UHRF1: variants seen among roughly 807,000 people sequenced by gnomAD.
UHRF1 encodes ubiquitin like with PHD and ring finger domains 1.
A neutral mutation model predicts 96.5 loss-of-function variants in UHRF1; 9 were observed. The observed-to-expected ratio is 0.09, with a 90% CI of 0.06 to 0.16. The LOEUF (loss-of-function observed/expected upper bound fraction) is 0.16, where lower values mean the gene tolerates loss of function less well. UHRF1 is among the 10% of genes least tolerant of loss of function. The pLI is 1.00. For missense variants in UHRF1, 626 were observed against 1,131.1 expected (o/e 0.55, Z 6.40); for synonymous variants, 455 against 469.9 (o/e 0.97, Z 0.41).
At chr19:4,958,919 G>A (rs1457784458) in intron 16 of UHRF1, among the ~76,000 whole-genome samples, 4 of 148,992 alleles carry the variant, frequency 2.7e-5, no homozygotes, top group Non-Finnish European at 5.9e-5. Flanking sequence ...CTGAGATCGC[G>A]CCATTGTACT....
At position 4,954,438 on chromosome 19, in the gene UHRF1, G is replaced by T; in HGVS notation, c.1907G>T (p.Gly636Val). Residue 636 changes from glycine (G) to valine (V), a missense_variant, in exon 14 of 17, where the codon GGC becomes GTC. Physicochemically the swap from Gly to Val is moderately radical, Grantham distance 109 (BLOSUM62 -3). Transcript: ENST00000650932. The surrounding 1 kb of genome is among the most constrained non-coding windows in gnomAD (Gnocchi z 5.9). ...GAGGAGGAGGAGCAGCAGGAGGGGGGCTTCGCGTCCCCCAGGACGGGCAAG... is the reference window on the plus strand; with the variant it reads ...GAGGAGGAGGAGCAGCAGGAGGGGGTCTTCGCGTCCCCCAGGACGGGCAAG... ...KREEEEQQEGGFASPRTGKGK... is the reference protein window; with the variant it reads ...KREEEEQQEGVFASPRTGKGK... 1.2e-6 allele frequency: 2 copies of T among 1,613,750 alleles called. No homozygotes were observed. The highest frequency in any genetic ancestry group is 1.1e-5 in the South Asian group (1 of 91,074).
In UHRF1 at chr19:4,929,256, T is replaced by C; in HGVS notation, c.188T>C (p.Val63Ala). The C allele has an allele frequency of 6.2e-7, 1 of 1,613,702 alleles. No individual in the cohort carries two copies. Among genetic ancestry groups the C allele is most frequent in the Non-Finnish European group, 8.5e-7 (1 of 1,179,824 alleles). Residue 63 changes from valine (V) to alanine (A), a missense_variant, in exon 3 of 17, where the codon GTC becomes GCC. Physicochemically the swap from Val to Ala is moderately conservative, Grantham distance 64. Transcript: ENST00000650932. ...EDGHTLFDYE[V>A]RLNDTIQLLV... ...GGCCATACCCTCTTCGACTACGAGG[T>C]CCGCCTGAATGACACCATCCAGCTC...
At chr19:4,942,022 G>A (rs991925054) in intron 7 of UHRF1, 91 bp downstream of exon 7, 107 of 1,335,426 alleles carry the variant, frequency 8.0e-5, no homozygotes, top group East Asian at 1.1e-4. Context: ...AGGGGCAGGC[G>A]CGGGGGCTCA....
At chr19:4,947,486 A>ATTT (rs1305957287) in intron 11 of UHRF1, among the ~76,000 whole-genome samples, 1 of 93,590 alleles carries the variant, frequency 1.1e-5, no homozygotes, top group South Asian at 3.8e-4. Context: ...CAGATAATAG[A>ATTT]TATCTTTTTT....
intron 13 of UHRF1, among the ~76,000 whole-genome samples, chr19:4,952,851 CAG>C (rs1475068114): frequency 6.6e-6 from 1 of 152,062 alleles, no homozygotes. Flanking sequence ...TCAGAATCAC[CAG>C]AGTTTGGCCA....
At chr19:4,911,750 T>C (rs1269156675) in intron 2 of UHRF1, among the ~76,000 whole-genome samples, 1 of 152,106 alleles carries the variant, frequency 6.6e-6, no homozygotes, top group Admixed American at 6.6e-5. Context: ...GGTGCTACTT[T>C]GGTTGGTGTT....
At position 4,929,347 on chromosome 19, in the gene UHRF1, C is replaced by T. The variant is rs760355998; in HGVS notation, c.279C>T (p.Thr93=). Residue 93 remains threonine (T), a synonymous_variant, in exon 3 of 17, where the codon ACC becomes ACT. Coordinates refer to ENST00000650932, the MANE Select transcript of UHRF1 (RefSeq NM_001048201.3). The part of the protein sequence containing the change: ...TKERDSELSD[T]DSGCCLGQSE... ...AGCGGGACTCCGAGCTCTCCGACAC[C>T]GACTCCGGCTGCTGCCTGGGCCAGA... 81 of 1,613,538 alleles carry T rather than the reference C, an allele frequency of 5.0e-5. No individual in the cohort carries two copies. Among genetic ancestry groups the T allele is most frequent in the South Asian group, 3.0e-4 (27 of 91,078 alleles).
At chr19:4,940,002 C>A (rs371439290) in intron 5 of UHRF1, among the ~76,000 whole-genome samples, 7 of 142,226 alleles carry the variant, frequency 4.9e-5, no homozygotes, top group Non-Finnish European at 1.0e-4. Context: ...CCAGCCTGGG[C>A]GACAGAGCGA....
chr19:4,909,436 G>A (rs2032157521), upstream of UHRF1: 1 of 651,412 alleles, frequency 1.5e-6, no homozygotes, highest in African/African-American at 1.9e-5. Context: ...GCAGGCGCCC[G>A]CCCCCGGCAC....
chr19:4,936,306 A>G (rs755564885), intron 5 of UHRF1, among the ~76,000 whole-genome samples: 2 of 152,194 alleles, frequency 1.3e-5, no homozygotes, highest in Non-Finnish European at 2.9e-5. Context: ...GCATCATACA[A>G]GATGAGACAG....
At chr19:4,939,607 G>T (rs977111736) in intron 5 of UHRF1, among the ~76,000 whole-genome samples, 1 of 152,112 alleles carries the variant, frequency 6.6e-6, no homozygotes, top group Non-Finnish European at 1.5e-5. Context: ...GTCACTTGCT[G>T]TGTGCGTCTG....
intron 2 of UHRF1, among the ~76,000 whole-genome samples, chr19:4,925,896 T>G (rs953785620): frequency 4.6e-5 from 7 of 151,114 alleles, no homozygotes; most frequent in African/African-American, 1.7e-4. Flanking sequence ...TTTCTTTCTT[T>G]CTTTTTTTCT....
In UHRF1 at chr19:4,921,809, T is replaced by C. The variant is rs1019248406; in HGVS notation, c.154-7413T>C. 2.6e-5 allele frequency among the ~76,000 whole-genome samples: 4 copies of C among 152,164 alleles called. No homozygotes were observed. In the East Asian group the frequency reaches 7.7e-4, roughly 29 times the overall value. ...ATGTAGATGATTTGAACAACACAAG[T>C]AACAGGGTTACCGTAATGACATGGA... On this transcript the variant is annotated intron_variant, in intron 2 of 16. Coordinates refer to ENST00000650932, the MANE Select transcript of UHRF1 (RefSeq NM_001048201.3).
intron 2 of UHRF1, among the ~76,000 whole-genome samples, chr19:4,914,706 G>A (rs377766961): frequency 2.7e-5 from 4 of 150,874 alleles, no homozygotes; most frequent in African/African-American, 7.3e-5. Flanking sequence ...TGTCTTTTGC[G>A]GCACCTTTAA....
chr19:4,944,569 A>C (rs1205782995), intron 9 of UHRF1, 119 bp downstream of exon 9: 1 of 1,095,684 alleles, frequency 9.1e-7, no homozygotes, highest in African/African-American at 1.5e-5. Context: ...TGCCTCGGCT[A>C]GCCGAGGAGG....
In UHRF1 at chr19:4,932,971, C is replaced by T. The variant is rs745390832; in HGVS notation, c.785+15C>T. The T allele has an allele frequency of 6.3e-7, 1 of 1,588,970 alleles. No individual in the cohort carries two copies. Among genetic ancestry groups the T allele is most frequent in the Non-Finnish European group, 8.6e-7 (1 of 1,166,844 alleles). Reference sequence around the variant, plus strand: ...GTGGTGCTGGGGTGAGCCTCGCGTCCTGGGGCGAGCCCTTCCTCTCTCCTT... The same window carrying T: ...GTGGTGCTGGGGTGAGCCTCGCGTCTTGGGGCGAGCCCTTCCTCTCTCCTT... On this transcript the variant is annotated intron_variant, in intron 5 of 16. Transcript: ENST00000650932.
chr19:4,959,228 G>A (rs947973664), intron 16 of UHRF1, among the ~76,000 whole-genome samples: 1 of 151,284 alleles, frequency 6.6e-6, no homozygotes, highest in African/African-American at 2.4e-5. Context: ...TACTCAGGAG[G>A]CTGAGACACG....
intron 16 of UHRF1, among the ~76,000 whole-genome samples, chr19:4,958,698 G>T (rs1192195503): frequency 6.6e-6 from 1 of 152,144 alleles, no homozygotes; most frequent in Admixed American, 6.5e-5. Flanking sequence ...GAGGCCAGCC[G>T]TGGTGGCTAA....
intron 5 of UHRF1, among the ~76,000 whole-genome samples, chr19:4,934,934 A>T (rs2033173190): frequency 6.6e-6 from 1 of 151,706 alleles, no homozygotes; most frequent in Non-Finnish European, 1.5e-5. Context: ...CTGAGAAACT[A>T]TCTGGATTGT....
Sources: gnomAD v4.1 joint callset for allele counts (sites outside exome capture counted in the v4.1 genomes callset) on GRCh38, gnomAD v4.1.1 for gene constraint, Gnocchi (gnomAD v3.1) non-coding constraint, MANE v1.5 for transcripts, NCBI Gene and HGNC (gene_info 2026-07-23, HGNC 2026-07-21) for gene names.